The following NADK2 variants were observed in gnomAD, a reference collection of about 807,000 sequenced individuals.
The protein encoded by NADK2 is NAD kinase 2, mitochondrial, also known as NAD kinase domain-containing protein 1, mitochondrial.
In NADK2, 35 loss-of-function variants were observed where a neutral mutation model predicts 62.1. The ratio of observed to expected loss-of-function variants is 0.56; its 90% CI spans 0.43 to 0.75. The LOEUF (loss-of-function observed/expected upper bound fraction) is 0.75. Among genes scored for constraint, NADK2 ranks in the 30% least tolerant of loss-of-function variants. The pLI, the probability that NADK2 is intolerant of heterozygous loss-of-function variation, is 0.00. For missense variants in NADK2, 439 were observed against 561.3 expected, an observed-to-expected ratio of 0.78 and a Z score of 2.20; for synonymous variants, 205 against 207.9, an observed-to-expected ratio of 0.99 and a Z score of 0.12.
chr5:36,209,965 T>C (rs1746778638), intron 7 of NADK2, among the ~76,000 whole-genome samples: 4 of 152,142 alleles, frequency 2.6e-5, no homozygotes, highest in Admixed American at 6.5e-5. Context: ...ACAACCCGAG[T>C]TGAGTCATTG....
chr5:36,217,178 G>A (rs1476829714), intron 6 of NADK2, among the ~76,000 whole-genome samples: 1 of 151,950 alleles, frequency 6.6e-6, no homozygotes, highest in African/African-American at 2.4e-5. Context: ...ATTTCTCTTG[G>A]GATATTCTTG....
chr5:36,217,604 T>C (rs1747092592), intron 6 of NADK2, 144 bp downstream of exon 6: 12 of 851,624 alleles, frequency 1.4e-5, no homozygotes, highest in Non-Finnish European at 1.8e-5. Flanking sequence ...CTAATAAACT[T>C]TACAACTGAA....
At chr5:36,202,314 C>T (rs538900705) in intron 8 of NADK2, among the ~76,000 whole-genome samples, 12 of 152,134 alleles carry the variant, frequency 7.9e-5, no homozygotes, top group African/African-American at 2.7e-4. Flanking sequence ...CATCTTCATC[C>T]TTAATTAAGT....
chr5:36,214,947 T>C (rs1189598133), intron 6 of NADK2, among the ~76,000 whole-genome samples: 1 of 152,230 alleles, frequency 6.6e-6, no homozygotes, highest in South Asian at 2.1e-4. Flanking sequence ...TTTATTTATA[T>C]AGCATTTACA....
chr5:36,208,645 ACTT>A (rs1328841694), intron 7 of NADK2: 19 of 1,533,346 alleles, frequency 1.2e-5, no homozygotes, highest in South Asian at 3.6e-5. Flanking sequence ...GAGTGGGTAT[ACTT>A]CTTCTTAAAT....
In NADK2 at chr5:36,195,126, T is replaced by C. The variant is rs1746179777; in HGVS notation, c.*18A>G. On this transcript the variant is annotated 3_prime_UTR_variant, in exon 12 of 12. Coordinates refer to ENST00000381937, the MANE Select transcript of NADK2 (RefSeq NM_001085411.3). ...AAATATTCTCGCCAGTAATCAAAATTTGTCATGAGGAAATCCTTCACTGTT... is the reference window on the plus strand; with the variant it reads ...AAATATTCTCGCCAGTAATCAAAATCTGTCATGAGGAAATCCTTCACTGTT... 1 of 1,585,146 alleles carries C rather than the reference T, an allele frequency of 6.3e-7. No individual in the cohort carries two copies.
rs71617747 is a variant in NADK2, at chr5:36,240,812, T to C, written c.300+687A>G. On this transcript the variant is annotated intron_variant, in intron 1 of 11. Transcript: ENST00000381937. ...TACCCAGTATACCAGCCCCTTGTCC[T>C]GACATTTCTCCTTAATAACGTACAT... Among the ~76,000 whole-genome samples, 385 of 152,344 alleles carry C rather than the reference T, an allele frequency of 2.5e-3. 5 individuals are homozygous for C. The highest frequency in any genetic ancestry group is 4.2e-3 in the Non-Finnish European group (287 of 68,034).
At chr5:36,211,181 T>C (rs1190324315) in intron 7 of NADK2, among the ~76,000 whole-genome samples, 2 of 152,090 alleles carry the variant, frequency 1.3e-5, no homozygotes, top group African/African-American at 4.8e-5. Context: ...AGAGTATTGA[T>C]TGGGGAAGTG....
At chr5:36,207,141 C>T (rs1465975417) in intron 8 of NADK2, 29 bp downstream of exon 8, 2 of 1,566,270 alleles carry the variant, frequency 1.3e-6, no homozygotes, top group South Asian at 1.1e-5. Flanking sequence ...TTTCACAAAA[C>T]TTGATAAGCA....
chr5:36,201,801 GT>G (rs1435975563), intron 8 of NADK2, among the ~76,000 whole-genome samples: 3 of 151,866 alleles, frequency 2.0e-5, no homozygotes, highest in African/African-American at 7.3e-5. Flanking sequence ...TTATAAAATA[GT>G]TTCCTTGAAG....
At chr5:36,240,224 A>C (rs1014112374) in intron 1 of NADK2, among the ~76,000 whole-genome samples, 2 of 152,178 alleles carry the variant, frequency 1.3e-5, no homozygotes, top group Non-Finnish European at 2.9e-5. Flanking sequence ...GTATTCTATA[A>C]ACAGTCATTT....
At position 36,241,343 on chromosome 5, in the gene NADK2, G is replaced by C. The variant is rs958427449; in HGVS notation, c.300+156C>G. 1.5e-6 allele frequency: 2 copies of C among 1,315,292 alleles called. No individual in the cohort carries two copies. Among genetic ancestry groups the C allele is most frequent in the South Asian group, 3.5e-5 (2 of 57,632 alleles). The allele number at this position is 1,315,292 out of a possible 1,614,324, so 81.5% of individuals were successfully genotyped here. On this transcript the variant is annotated intron_variant, in intron 1 of 11. Coordinates refer to ENST00000381937, the MANE Select transcript of NADK2 (RefSeq NM_001085411.3). The surrounding 1 kb of genome is among the most constrained non-coding windows in gnomAD (Gnocchi z 4.9). Reference sequence around the variant, plus strand: ...ACGCCCAAAGGCAAAGGAGGCCCAGGGAGAAGCCAGAGGACCTGGGGGCCG... The same window carrying C: ...ACGCCCAAAGGCAAAGGAGGCCCAGCGAGAAGCCAGAGGACCTGGGGGCCG...
chr5:36,213,637 T>A (rs1554008805), intron 6 of NADK2, among the ~76,000 whole-genome samples: 4 of 22,124 alleles, frequency 1.8e-4, no homozygotes, highest in Non-Finnish European at 4.8e-4. Flanking sequence ...ATATATGGAT[T>A]TGATATGTTT....
At chr5:36,212,365 C>T (rs1746882198) in intron 6 of NADK2, 1 of 152,246 alleles carries the variant, frequency 6.6e-6, no homozygotes, top group African/African-American at 2.4e-5. Flanking sequence ...ACTTTTTTTT[C>T]CAAATAAGGA....
intron 5 of NADK2, among the ~76,000 whole-genome samples, chr5:36,219,269 G>T (rs1042636362): frequency 1.3e-5 from 2 of 152,140 alleles, no homozygotes; most frequent in African/African-American, 2.4e-5. Context: ...GGAGTGCAGT[G>T]GCATGATCTC....
intron 10 of NADK2, among the ~76,000 whole-genome samples, chr5:36,199,553 C>T (rs13174907): frequency 0.42 from 63,459 of 151,852 alleles, 16,014 homozygotes; most frequent in Non-Finnish European, 0.58. Context: ...CAATCTGATA[C>T]GCAAATCAAA....
At chr5:36,222,250 G>A (rs888058632) in intron 4 of NADK2, among the ~76,000 whole-genome samples, 1 of 152,088 alleles carries the variant, frequency 6.6e-6, no homozygotes, top group Non-Finnish European at 1.5e-5. Flanking sequence ...ACAAAGGCAT[G>A]GGTGGGTGGG....
intron 7 of NADK2, among the ~76,000 whole-genome samples, chr5:36,211,643 A>G (rs927090879): frequency 2.6e-5 from 4 of 152,212 alleles, no homozygotes; most frequent in African/African-American, 9.6e-5. Flanking sequence ...GGGTTTCACA[A>G]ACTTTTTTGT....
intron 1 of NADK2, among the ~76,000 whole-genome samples, chr5:36,240,969 A>C (rs1193130609): frequency 6.6e-6 from 1 of 152,176 alleles, no homozygotes; most frequent in Non-Finnish European, 1.5e-5. Flanking sequence ...GGAGTGCCCT[A>C]GGCCTCGCAG....
Sources: allele counts gnomAD v4.1 joint callset (sites outside exome capture counted in the v4.1 genomes callset), GRCh38; gene constraint gnomAD v4.1.1; non-coding constraint Gnocchi (gnomAD v3.1); transcripts MANE v1.5; gene names NCBI Gene and HGNC (gene_info 2026-07-23, HGNC 2026-07-21).